DHRSX: variants seen among roughly 807,000 people sequenced by gnomAD.
DHRSX encodes dehydrogenase/reductase X-linked.
Under a neutral mutation model 34.0 loss-of-function variants are expected in DHRSX, and 31 were observed. That is an observed-to-expected ratio of 0.91 (90% CI 0.69 to 1.23). The LOEUF is 1.23. DHRSX is among the 50% of genes most tolerant of loss of function. DHRSX has a pLI of 0.00. For missense variants in DHRSX, 414 were observed against 428.1 expected (o/e 0.97, Z 0.29); for synonymous variants, 201 against 183.8 (o/e 1.09, Z -0.76).
At chrX:2,406,865 C>G (rs1306283880) in intron 3 of DHRSX, among the ~76,000 whole-genome samples, 1 of 152,122 alleles carries the variant, frequency 6.6e-6, no homozygotes, top group African/African-American at 2.4e-5. Flanking sequence ...AGAAGTTCCT[C>G]AAATCATTAA....
intron 3 of DHRSX, among the ~76,000 whole-genome samples, chrX:2,375,651 T>C (rs2043132778): frequency 7.3e-6 from 1 of 136,158 alleles, no homozygotes; most frequent in Admixed American, 7.3e-5. Flanking sequence ...GGTTGGTTTT[T>C]GAGACAGAGT....
chrX:2,346,019 C>G (rs1310716335), intron 3 of DHRSX, among the ~76,000 whole-genome samples: 7 of 152,174 alleles, frequency 4.6e-5, no homozygotes, highest in Non-Finnish European at 4.4e-5. Context: ...CGGCACCCAC[C>G]TCCCGTGGTA....
At chrX:2,404,392 C>G (rs2043526746) in intron 3 of DHRSX, among the ~76,000 whole-genome samples, 1 of 152,108 alleles carries the variant, frequency 6.6e-6, no homozygotes, top group Non-Finnish European at 1.5e-5. Context: ...AATAGGACCC[C>G]CTGTCACAGA....
chrX:2,434,793 T>C (rs770687380), intron 1 of DHRSX, among the ~76,000 whole-genome samples: 17 of 152,370 alleles, frequency 1.1e-4, no homozygotes, highest in African/African-American at 4.1e-4. Flanking sequence ...AAACCATTCA[T>C]GGCTGCCTTG....
chrX:2,343,903 C>T (rs1331721254), intron 3 of DHRSX, among the ~76,000 whole-genome samples: 12 of 152,244 alleles, frequency 7.9e-5, no homozygotes, highest in Admixed American at 6.5e-4. Context: ...GGAGCCTGTG[C>T]GCCTGTAGCT....
At chrX:2,291,896 A>ATTTTTTTTTTTTT (rs928376249) in intron 3 of DHRSX, among the ~76,000 whole-genome samples, 1 of 96,146 alleles carries the variant, frequency 1.0e-5, no homozygotes, top group Non-Finnish European at 2.1e-5. Flanking sequence ...GTATTTTTGT[A>ATTTTTTTTTTTTT]TTTTTTTTTT....
chrX:2,416,268 A>G, intron 2 of DHRSX, among the ~76,000 whole-genome samples: 1 of 152,252 alleles, frequency 6.6e-6, no homozygotes, highest in South Asian at 2.1e-4. Context: ...ATCAGGATCT[A>G]ATACAACTAG....
chrX:2,266,092 G>A (rs1372567945), intron 5 of DHRSX, among the ~76,000 whole-genome samples: 20 of 148,808 alleles, frequency 1.3e-4, no homozygotes, highest in African/African-American at 4.8e-4. Context: ...GGCAGACGCA[G>A]GGAGCACTGT....
intron 1 of DHRSX, among the ~76,000 whole-genome samples, chrX:2,429,355 A>T (rs1277576600): frequency 6.6e-6 from 1 of 151,964 alleles, no homozygotes; most frequent in African/African-American, 2.4e-5. Context: ...CATATTTCTC[A>T]GCCCCAATGC....
intron 6 of DHRSX, among the ~76,000 whole-genome samples, chrX:2,225,010 A>G (rs1478975314): frequency 5.3e-5 from 8 of 150,118 alleles, no homozygotes; most frequent in African/African-American, 2.0e-4. Flanking sequence ...ACATGCTCAC[A>G]CTCATTCACA....
intron 5 of DHRSX, among the ~76,000 whole-genome samples, chrX:2,260,438 C>T (rs185720947): frequency 7.9e-5 from 12 of 151,414 alleles, no homozygotes; most frequent in Admixed American, 7.2e-4. Context: ...CTGTGTCTCT[C>T]TGTCTCCAAA....
intron 2 of DHRSX, among the ~76,000 whole-genome samples, chrX:2,416,729 G>A (rs2043699043): frequency 1.3e-5 from 2 of 152,030 alleles, no homozygotes; most frequent in South Asian, 4.1e-4. Flanking sequence ...GAAACAATGA[G>A]AACTAAGATC....
chrX:2,402,887 T>TTC (rs1389135239), intron 3 of DHRSX, among the ~76,000 whole-genome samples: 1 of 135,286 alleles, frequency 7.4e-6, no homozygotes, highest in African/African-American at 2.9e-5. Context: ...TGGTTTCTTT[T>TTC]TTTTTTTTTT....
chrX:2,357,860 G>A (rs918994656), intron 3 of DHRSX, among the ~76,000 whole-genome samples: 2 of 152,078 alleles, frequency 1.3e-5, no homozygotes, highest in Admixed American at 6.6e-5. Context: ...CCTACATAAC[G>A]GTGGTTATGA....
chrX:2,468,910 G>GCTGC (rs2044542439), intron 1 of DHRSX, among the ~76,000 whole-genome samples: 1 of 148,038 alleles, frequency 6.8e-6, no homozygotes, highest in Non-Finnish European at 1.5e-5. Flanking sequence ...CCAAGTGACC[G>GCTGC]CTGCCGTTGC....
chrX:2,485,156 G>A (rs1382440416), intron 1 of DHRSX, among the ~76,000 whole-genome samples: 2 of 152,150 alleles, frequency 1.3e-5, no homozygotes, highest in Non-Finnish European at 2.9e-5. Flanking sequence ...CGGAAGGAGT[G>A]CCACACAGGC....
chrX:2,491,321 T>C (rs996434319), intron 1 of DHRSX, among the ~76,000 whole-genome samples: 11 of 152,166 alleles, frequency 7.2e-5, no homozygotes, highest in Non-Finnish European at 1.5e-4. Context: ...CCACCCGCCT[T>C]GGCCTCCCAA....
At chrX:2,408,886 A>AG (rs1474048079) in intron 2 of DHRSX, 73 bp from the exon 3 acceptor site, 1 of 1,256,658 alleles carries the variant, frequency 8.0e-7, no homozygotes, top group African/African-American at 1.5e-5. Flanking sequence ...CAAAAAAAAA[A>AG]AGAGGTTTTA....
intron 1 of DHRSX, among the ~76,000 whole-genome samples, chrX:2,454,248 C>G (rs1455755353): frequency 6.6e-6 from 1 of 152,022 alleles, no homozygotes; most frequent in Admixed American, 6.6e-5. Flanking sequence ...CACACTGGGC[C>G]GGGCGCTGTG....
Sources: gnomAD v4.1 joint callset for allele counts (sites outside exome capture counted in the v4.1 genomes callset) on GRCh38, gnomAD v4.1.1 for gene constraint, MANE v1.5 for transcripts, NCBI Gene and HGNC (gene_info 2026-07-23, HGNC 2026-07-21) for gene names.